FAM83G: variants seen among roughly 807,000 people sequenced by gnomAD.
FAM83G encodes the protein scaffolding CK1 anchoring protein G.
A neutral mutation model predicts 61.5 loss-of-function variants in FAM83G; 38 were observed. That is an observed-to-expected ratio of 0.62 (90% confidence interval 0.48 to 0.81). The LOEUF is 0.81. FAM83G is among the 30% of genes least tolerant of loss of function. The pLI is 0.00. For synonymous variants in FAM83G, 470 were observed against 476.1 expected, an observed-to-expected ratio of 0.99 and a Z score of 0.17; for missense variants, 989 against 1,133.6, an observed-to-expected ratio of 0.87 and a Z score of 1.83.
intron 3 of FAM83G, 25 bp downstream of exon 3, chr17:18,988,222 C>T: frequency 6.2e-7 from 1 of 1,600,442 alleles, no homozygotes. Flanking sequence ...CTCCAGCCAC[C>T]CAGGCAAGTG....
chr17:18,980,827 A>G (rs2043112609), intron 3 of FAM83G, among the ~76,000 whole-genome samples: 1 of 152,156 alleles, frequency 6.6e-6, no homozygotes, highest in African/African-American at 2.4e-5. Flanking sequence ...GGTCTGACTC[A>G]GGAGGCCTGA....
In FAM83G at chr17:18,978,433, C is replaced by T; in HGVS notation, c.1233G>A (p.Leu411=). 1.9e-6 allele frequency: 3 copies of T among 1,599,454 alleles called. No individual in the cohort carries two copies. The highest frequency in any genetic ancestry group is 1.1e-5 in the South Asian group (1 of 89,566). The change falls in exon 5 of 6, where the codon CTG becomes CTA. Residue 411 remains leucine (L), a synonymous_variant. Coordinates refer to ENST00000388995, the MANE Select transcript of FAM83G (RefSeq NM_001039999.3). ...HLERANMFEY[L]PTWVEPDPEP... ...CCGGGTCTGGCTCCACCCACGTGGG[C>T]AGGTACTCAAACATGTTGGCCCTCT...
intron 5 of FAM83G, among the ~76,000 whole-genome samples, chr17:18,973,283 A>C (rs17842752): frequency 0.08 from 12,240 of 152,316 alleles, 727 homozygotes; most frequent in South Asian, 0.3. Context: ...CATCAAGGCC[A>C]AACGAATCTG....
At position 19,003,440 on chromosome 17, in the gene FAM83G, T is replaced by C; in HGVS notation, c.522+80A>G. ...AGAAGCCCATGTTGGGCTCCCGTTT[T>C]GGGCTCTGAGTGAGCCTGTATTGAG... On this transcript the variant is annotated intron_variant, in intron 2 of 5. Transcript: ENST00000388995. The surrounding 1 kb of genome is among the most constrained non-coding windows in gnomAD (Gnocchi z 4.5). 7.1e-7 allele frequency: 1 copy of C among 1,412,348 alleles called. No individual in the cohort carries two copies. The allele number at this position is 1,412,348 out of a possible 1,614,324, so 87.5% of individuals were successfully genotyped here.
chr17:18,977,736 G>T lies in FAM83G; in HGVS notation c.1930C>A (p.Pro644Thr). Residue 644 changes from proline (P) to threonine (T), a missense_variant, in exon 5 of 6, where the codon CCA (proline) becomes ACA (threonine). Pro to Thr is a conservative substitution (Grantham distance 38). This residue lies in a region of FAM83G where 574 missense variants were observed against 645.1 expected (regional missense o/e 0.89). Coordinates refer to ENST00000388995, the MANE Select transcript of FAM83G (RefSeq NM_001039999.3). ...GGGGCACTCAGCTGCCGGCGCGGTG[G>T]TGGGGTTGGCCCGTTGGCCACTTGC... The part of the protein sequence containing the change: ...SEQVANGPTP[P>T]PRRQLSAPHI... The T allele has an allele frequency of 6.2e-7, 1 of 1,607,888 alleles. No homozygotes were observed.
At chr17:18,979,724 C>G (rs1334159587) in intron 3 of FAM83G, 51 bp from the exon 4 acceptor site, 1 of 1,606,194 alleles carries the variant, frequency 6.2e-7, no homozygotes, top group African/African-American at 1.3e-5. Flanking sequence ...CCTGACCACA[C>G]AGGGCGAGGG....
At chr17:18,992,321 G>A (rs950392534) in intron 2 of FAM83G, among the ~76,000 whole-genome samples, 5 of 152,248 alleles carry the variant, frequency 3.3e-5, no homozygotes, top group Middle Eastern at 3.4e-3. Context: ...AGCTGGGAGA[G>A]GGGAGGGCAC....
Position 18,971,061 on chromosome 17 carries a change from A to C in FAM83G, c.*298T>G, listed in dbSNP as rs1262010373. The C allele has an allele frequency of 6.2e-7, 1 of 1,614,060 alleles. No individual in the cohort carries two copies. Among genetic ancestry groups the C allele is most frequent in the Non-Finnish European group, 8.5e-7 (1 of 1,180,024 alleles). On this transcript the variant is annotated 3_prime_UTR_variant, in exon 6 of 6. Transcript: ENST00000388995. This position sits in a 1 kb window ranked among gnomAD's most constrained non-coding sequence, Gnocchi z 5.5. ...GGGCAGCTGGAGGCAGCCTACGCCCAGGCCATTCCCTCCAGGACCATTGCC... is the reference window on the plus strand; with the variant it reads ...GGGCAGCTGGAGGCAGCCTACGCCCCGGCCATTCCCTCCAGGACCATTGCC...
chr17:18,999,139 G>A (rs994453195), intron 2 of FAM83G, among the ~76,000 whole-genome samples: 5 of 152,148 alleles, frequency 3.3e-5, no homozygotes, highest in African/African-American at 2.4e-5. Context: ...TTAGCTGGGC[G>A]TGGTGGCGCA....
At chr17:18,992,271 A>AG (rs2043445985) in intron 2 of FAM83G, among the ~76,000 whole-genome samples, 1 of 152,180 alleles carries the variant, frequency 6.6e-6, no homozygotes, top group Admixed American at 6.5e-5. Context: ...TCCTTGGGAC[A>AG]GGGGGACATC....
chr17:18,988,043 C>T (rs1426295669), intron 3 of FAM83G, among the ~76,000 whole-genome samples: 1 of 152,222 alleles, frequency 6.6e-6, no homozygotes, highest in African/African-American at 2.4e-5. Flanking sequence ...TTTATCTCTG[C>T]CACGTTGGAG....
chr17:19,003,811 G>T lies in FAM83G; in HGVS notation c.231C>A (p.Gly77=). 1 of 1,612,844 alleles carries T rather than the reference G, an allele frequency of 6.2e-7. No homozygotes were observed. Among genetic ancestry groups the T allele is most frequent in the South Asian group, 1.1e-5 (1 of 91,086 alleles). ...GGCCCGTGCCCCGAGGGTCCTCAGA[G>T]CCCGGGTCGTACACCTCGATGGTCT... ...ILETIEVYDP[G]SEDPRGTGPS... Residue 77 remains glycine (G), a synonymous_variant, in exon 2 of 6, where the codon GGC becomes GGA. Transcript: ENST00000388995. This position sits in a 1 kb window ranked among gnomAD's most constrained non-coding sequence, Gnocchi z 4.5.
rs756830113 is a variant in FAM83G, at chr17:19,003,660, T to C, written c.382A>G (p.Ile128Val). Residue 128 changes from isoleucine (I) to valine (V), a missense_variant, in exon 2 of 6, where the codon ATC (isoleucine) becomes GTC (valine). Physicochemically the swap from Ile to Val is conservative, Grantham distance 29. Around this residue, in one of 3 missense-constraint regions of FAM83G, gnomAD observed 371 missense variants for 404.5 expected, o/e 0.92. Transcript: ENST00000388995. This position sits in a 1 kb window ranked among gnomAD's most constrained non-coding sequence, Gnocchi z 4.5. ...GGCCAGCCCAGGTCCAGCTGCGGGA[T>C]GGAGCGGTCCGACTTCTGGGGCCAG... The part of the protein sequence containing the change: ...EYWPQKSDRS[I>V]PQLDLGWPDT... 3.1e-6 allele frequency: 5 copies of C among 1,612,050 alleles called. No individual in the cohort carries two copies. The highest frequency in any genetic ancestry group is 4.2e-6 in the Non-Finnish European group (5 of 1,179,460).
In FAM83G at chr17:18,970,620, C is replaced by A; in HGVS notation, c.*739G>T. The A allele has an allele frequency of 3.7e-6, 1 of 273,052 alleles. No homozygotes were observed. 16.9% of individuals were successfully genotyped at this position (273,052 alleles called of 1,614,324 possible). On this transcript the variant is annotated 3_prime_UTR_variant, in exon 6 of 6. Coordinates refer to ENST00000388995, the MANE Select transcript of FAM83G (RefSeq NM_001039999.3). ...TGATCAGGATGAACACTTTAGAAGC[C>A]TCAGGAAGGTCCTCAAATGTCAAGA...
At chr17:19,002,419 T>G (rs1236414189) in intron 2 of FAM83G, among the ~76,000 whole-genome samples, 1 of 152,220 alleles carries the variant, frequency 6.6e-6, no homozygotes, top group African/African-American at 2.4e-5. Flanking sequence ...CTGGTTTCTC[T>G]GCCCACGAAC....
intron 2 of FAM83G, 39 bp from the exon 3 acceptor site, chr17:18,988,453 G>C (rs2043324569): frequency 6.2e-7 from 1 of 1,603,460 alleles, no homozygotes; most frequent in East Asian, 2.2e-5. Flanking sequence ...GTCAGACAGT[G>C]CAGCAGTGGG....
chr17:18,969,060 G>A lies in FAM83G; in HGVS notation c.*2299C>T. ...GCTCTCTCCCTCCGCAGCTGGACCT[G>A]TACGCGGGGGCTCTGTTTGTGCACA... On this transcript the variant is annotated 3_prime_UTR_variant, in exon 6 of 6. Coordinates refer to ENST00000388995, the MANE Select transcript of FAM83G (RefSeq NM_001039999.3). The A allele has an allele frequency of 6.2e-7, 1 of 1,613,640 alleles. No individual in the cohort carries two copies. Among genetic ancestry groups the A allele is most frequent in the Non-Finnish European group, 8.5e-7 (1 of 1,179,796 alleles).
chr17:18,978,182 T>C lies in FAM83G; in HGVS notation c.1484A>G (p.Gln495Arg). The change falls in exon 5 of 6, where the codon CAG becomes CGG. Residue 495 changes from glutamine (Q) to arginine (R), a missense_variant. Physicochemically the swap from Gln to Arg is conservative, Grantham distance 43 (BLOSUM62 1). Around this residue, in one of 3 missense-constraint regions of FAM83G, gnomAD observed 574 missense variants for 645.1 expected, o/e 0.89. Transcript: ENST00000388995. ...GGGGGGCAATGGCTCAGGGTCCCCCTGGGGGAGGCCGTTCTCAGCTGGGAC... is the reference window on the plus strand; with the variant it reads ...GGGGGGCAATGGCTCAGGGTCCCCCCGGGGGAGGCCGTTCTCAGCTGGGAC... ...DGVPAENGLP[Q>R]GDPEPLPPVP... The C allele has an allele frequency of 1.9e-6, 3 of 1,547,012 alleles. No individual in the cohort carries two copies. Among genetic ancestry groups the C allele is most frequent in the Non-Finnish European group, 2.6e-6 (3 of 1,148,606 alleles).
intron 2 of FAM83G, among the ~76,000 whole-genome samples, chr17:18,993,918 C>G (rs1437909415): frequency 6.6e-6 from 1 of 152,208 alleles, no homozygotes; most frequent in Non-Finnish European, 1.5e-5. Flanking sequence ...AGGTGAAGCC[C>G]TAGCAGGGGA....
Sources: allele counts gnomAD v4.1 joint callset (sites outside exome capture counted in the v4.1 genomes callset), GRCh38; gene constraint gnomAD v4.1.1; regional missense constraint gnomAD v4.1.1; non-coding constraint Gnocchi (gnomAD v3.1); transcripts MANE v1.5; gene names NCBI Gene and HGNC (gene_info 2026-07-23, HGNC 2026-07-21).